The following LRPPRC variants were observed in gnomAD, a reference collection of about 807,000 sequenced individuals.
LRPPRC encodes leucine rich pentatricopeptide repeat containing, also known as leucine-rich PPR motif-containing protein, mitochondrial.
A neutral mutation model predicts 180.3 loss-of-function variants in LRPPRC; 120 were observed. That is an observed-to-expected ratio of 0.67 (90% confidence interval 0.57 to 0.77). The LOEUF (loss-of-function observed/expected upper bound fraction) is 0.77. LRPPRC is among the 30% of genes least tolerant of loss of function. The pLI is 0.00. For missense variants in LRPPRC, 2,012 were observed against 1,657.2 expected (o/e 1.21, Z -3.72); for synonymous variants, 723 against 600.0 (o/e 1.21, Z -3.00).
At chr2:43,889,128 A>G (rs1670383342) in intron 37 of LRPPRC, among the ~76,000 whole-genome samples, 1 of 152,134 alleles carries the variant, frequency 6.6e-6, no homozygotes, top group African/African-American at 2.4e-5. Context: ...CAGCGTGGCC[A>G]ACATGGTGAA....
At chr2:43,968,539 C>A (rs764859203) in intron 11 of LRPPRC, among the ~76,000 whole-genome samples, 1 of 152,168 alleles carries the variant, frequency 6.6e-6, no homozygotes, top group Admixed American at 6.5e-5. Context: ...ATGTCAAACT[C>A]CAAGGTTTCA....
chr2:43,994,327 C>T (rs1384674679), intron 1 of LRPPRC, among the ~76,000 whole-genome samples: 2 of 152,174 alleles, frequency 1.3e-5, no homozygotes, highest in African/African-American at 4.8e-5. Flanking sequence ...ATTTCCTCCA[C>T]GTAATTTTAT....
intron 2 of LRPPRC, 61 bp downstream of exon 2, chr2:43,982,177 C>T (rs527423601): frequency 5.2e-5 from 63 of 1,210,538 alleles, no homozygotes; most frequent in Middle Eastern, 4.2e-4. Flanking sequence ...GCTGGGATTA[C>T]AGGCCTGAGC....
intron 14 of LRPPRC, among the ~76,000 whole-genome samples, chr2:43,951,881 A>G (rs1006146419): frequency 2.0e-5 from 3 of 152,204 alleles, no homozygotes; most frequent in Non-Finnish European, 2.9e-5. Context: ...TTATCAAAGT[A>G]TCAACTTACT....
intron 1 of LRPPRC, among the ~76,000 whole-genome samples, chr2:43,991,797 C>T (rs1674794105): frequency 6.6e-6 from 1 of 152,182 alleles, no homozygotes; most frequent in Non-Finnish European, 1.5e-5. Flanking sequence ...CTAATAATTT[C>T]ACTCACTAAT....
intron 35 of LRPPRC, 40 bp from the exon 36 acceptor site, chr2:43,894,669 A>C (rs754678104): frequency 2.1e-6 from 2 of 960,772 alleles, no homozygotes; most frequent in East Asian, 4.8e-5. Context: ...AAAACCGCAA[A>C]TTAACAGTGA....
intron 1 of LRPPRC, among the ~76,000 whole-genome samples, chr2:43,994,959 G>A (rs1033468708): frequency 1.3e-5 from 2 of 152,230 alleles, no homozygotes; most frequent in East Asian, 1.9e-4. Flanking sequence ...GACACTTACA[G>A]GACGGGAGCG....
intron 11 of LRPPRC, among the ~76,000 whole-genome samples, chr2:43,966,779 G>A (rs1038305618): frequency 2.6e-5 from 4 of 151,808 alleles, no homozygotes; most frequent in African/African-American, 9.7e-5. Flanking sequence ...AGCCCAGCAC[G>A]GTGGCTCACA....
At position 43,973,904 on chromosome 2, in the gene LRPPRC, T is replaced by TG. The variant is rs747272097; in HGVS notation, c.1156-5dup. The TG allele has an allele frequency of 1.3e-6, 2 of 1,573,850 alleles. No homozygotes were observed. The highest frequency in any genetic ancestry group is 1.7e-6 in the Non-Finnish European group (2 of 1,143,666). ...AGTCTGTTAGCTTCTCCACAGGCTGTGGGAAAAAAGTCACCACATTAGCTG... is the reference window on the plus strand; with the variant it reads ...AGTCTGTTAGCTTCTCCACAGGCTGTGGGGAAAAAAGTCACCACATTAGCTG... On this transcript the variant is annotated splice_polypyrimidine_tract_variant and splice_region_variant and intron_variant, in intron 9 of 37. Transcript: ENST00000260665.
intron 29 of LRPPRC, 131 bp from the exon 30 acceptor site, chr2:43,912,689 C>T (rs544817907): frequency 1.5e-6 from 1 of 667,264 alleles, no homozygotes; most frequent in African/African-American, 1.8e-5. Context: ...TGTTACCACT[C>T]TATAGAGAGA....
intron 29 of LRPPRC, among the ~76,000 whole-genome samples, chr2:43,917,556 G>A (rs1435214017): frequency 2.6e-5 from 4 of 151,992 alleles, no homozygotes; most frequent in Middle Eastern, 3.4e-3. Context: ...TTGGGAGGCC[G>A]AGGTGGGCAG....
intron 26 of LRPPRC, 124 bp downstream of exon 26, chr2:43,925,769 C>A: frequency 2.7e-6 from 2 of 751,502 alleles, no homozygotes; most frequent in East Asian, 2.5e-5. Context: ...GGCAAATGAT[C>A]GAGATAAACA....
intron 32 of LRPPRC, among the ~76,000 whole-genome samples, chr2:43,900,380 A>T (rs1204322900): frequency 1.3e-5 from 2 of 152,130 alleles, no homozygotes; most frequent in African/African-American, 4.8e-5. Context: ...ATTAAACATA[A>T]TTCTCTAACT....
At chr2:43,987,267 G>C (rs748915775) in intron 1 of LRPPRC, among the ~76,000 whole-genome samples, 2 of 151,990 alleles carry the variant, frequency 1.3e-5, no homozygotes, top group African/African-American at 4.8e-5. Flanking sequence ...AGGCCGAGGC[G>C]GGCAGATCAC....
At chr2:43,944,155 C>T (rs1294978236) in intron 22 of LRPPRC, among the ~76,000 whole-genome samples, 1 of 152,056 alleles carries the variant, frequency 6.6e-6, no homozygotes, top group Non-Finnish European at 1.5e-5. Flanking sequence ...CCTGTATGGT[C>T]TGCCCTATAG....
chr2:43,891,082 G>C lies in LRPPRC; in HGVS notation c.3986-1206C>G, dbSNP rs144923593. Among the ~76,000 whole-genome samples, 19 of 152,328 alleles carry C rather than the reference G, an allele frequency of 1.2e-4. No homozygotes were observed. In the East Asian group the frequency reaches 3.7e-3, roughly 29 times the overall value. ...AATGAGGGTGACTCATCAGCTCTTA[G>C]TGGAGTTGGAACACATCTTTGCTGT... is the stretch of plus-strand genomic sequence containing the variant. On this transcript the variant is annotated intron_variant, in intron 36 of 37. Coordinates refer to ENST00000260665, the MANE Select transcript of LRPPRC (RefSeq NM_133259.4).
intron 37 of LRPPRC, among the ~76,000 whole-genome samples, chr2:43,889,358 A>G (rs1351447632): frequency 1.3e-5 from 2 of 150,576 alleles, no homozygotes; most frequent in Admixed American, 1.3e-4. Flanking sequence ...TTCCTAGACG[A>G]AGAAATAAAA....
At chr2:43,943,180 T>G (rs1672548829) in intron 23 of LRPPRC, among the ~76,000 whole-genome samples, 1 of 152,068 alleles carries the variant, frequency 6.6e-6, no homozygotes. Context: ...AACAAGAGCA[T>G]TTCAAATGGA....
intron 36 of LRPPRC, among the ~76,000 whole-genome samples, chr2:43,891,460 C>A (rs1287719345): frequency 1.3e-5 from 2 of 152,180 alleles, no homozygotes; most frequent in Non-Finnish European, 2.9e-5. Context: ...CTCTGTGTCA[C>A]ATTTTGGTAA....
Sources: allele counts gnomAD v4.1 joint callset (sites outside exome capture counted in the v4.1 genomes callset), GRCh38; gene constraint gnomAD v4.1.1; transcripts MANE v1.5; gene names NCBI Gene and HGNC (gene_info 2026-07-23, HGNC 2026-07-21).